Variants in CCDC91 observed in about 807,000 individuals in gnomAD.
The protein encoded by CCDC91 is coiled-coil domain containing 91.
A neutral mutation model predicts 63.2 loss-of-function variants in CCDC91; 48 were observed. The observed-to-expected ratio is 0.76, with a 90% CI of 0.60 to 0.97. The LOEUF (loss-of-function observed/expected upper bound fraction) is 0.97. Among genes scored for constraint, CCDC91 ranks in the 50% least tolerant of loss-of-function variants. The pLI is 0.00. For missense variants in CCDC91, 500 were observed against 494.6 expected, an observed-to-expected ratio of 1.01 and a Z score of -0.10; for synonymous variants, 167 against 165.8, an observed-to-expected ratio of 1.01 and a Z score of -0.06.
intron 6 of CCDC91, among the ~76,000 whole-genome samples, chr12:28,349,995 G>T (rs1943072874): frequency 6.6e-6 from 1 of 152,168 alleles, no homozygotes; most frequent in Non-Finnish European, 1.5e-5. Flanking sequence ...AGTATTTTGG[G>T]TTTTCTGCAG....
chr12:28,517,489 C>G (rs76878535), intron 12 of CCDC91, among the ~76,000 whole-genome samples: 4,413 of 151,954 alleles, frequency 0.029, 104 homozygotes, highest in Middle Eastern at 0.044. Context: ...TTTTAACTGC[C>G]CTTTAAGCTA....
At chr12:28,403,959 T>A (rs1428311054) in intron 8 of CCDC91, among the ~76,000 whole-genome samples, 1 of 152,114 alleles carries the variant, frequency 6.6e-6, no homozygotes, top group Non-Finnish European at 1.5e-5. Context: ...TTTTTACTGA[T>A]CTTTTCAAAC....
At chr12:28,378,388 A>G (rs1195007855) in intron 7 of CCDC91, among the ~76,000 whole-genome samples, 1 of 152,054 alleles carries the variant, frequency 6.6e-6, no homozygotes, top group East Asian at 1.9e-4. Context: ...GAACTCTTAA[A>G]TTGTTTGTAC....
At chr12:28,260,945 T>A (rs1174289128) in intron 3 of CCDC91, among the ~76,000 whole-genome samples, 2 of 152,034 alleles carry the variant, frequency 1.3e-5, no homozygotes, top group African/African-American at 4.8e-5. Context: ...ATTGTGTGGA[T>A]GACAAAATGG....
intron 6 of CCDC91, among the ~76,000 whole-genome samples, chr12:28,344,431 CT>C: frequency 6.6e-6 from 1 of 152,178 alleles, no homozygotes; most frequent in South Asian, 2.1e-4. Context: ...AATGGGCCTT[CT>C]TTCCATTTCT....
chr12:28,293,800 T>C (rs1949390763), intron 3 of CCDC91, among the ~76,000 whole-genome samples: 1 of 151,978 alleles, frequency 6.6e-6, no homozygotes, highest in Non-Finnish European at 1.5e-5. Flanking sequence ...GTGATCATAG[T>C]TCACTGCAGC....
intron 3 of CCDC91, among the ~76,000 whole-genome samples, chr12:28,267,688 A>T (rs551812458): frequency 1.6e-4 from 19 of 117,220 alleles, no homozygotes; most frequent in Non-Finnish European, 2.0e-4. Context: ...ATGTTATATA[A>T]ATTATTTATT....
chr12:28,391,709 A>G (rs1945959411), intron 8 of CCDC91, among the ~76,000 whole-genome samples: 1 of 152,192 alleles, frequency 6.6e-6, no homozygotes, highest in Admixed American at 6.5e-5. Flanking sequence ...TGGCGAGTAA[A>G]TGATTTTTAG....
intron 6 of CCDC91, among the ~76,000 whole-genome samples, chr12:28,309,110 A>T (rs1298339983): frequency 6.6e-6 from 1 of 152,044 alleles, no homozygotes; most frequent in Admixed American, 6.6e-5. Context: ...TCACTCACAT[A>T]TCTCTGCCTG....
At chr12:28,325,456 A>G (rs529393917) in intron 6 of CCDC91, among the ~76,000 whole-genome samples, 2 of 152,174 alleles carry the variant, frequency 1.3e-5, no homozygotes, top group African/African-American at 4.8e-5. Flanking sequence ...ATGGAGTAAC[A>G]TGTTAGTGGA....
At chr12:28,460,820 T>C (rs1316320769) in intron 11 of CCDC91, among the ~76,000 whole-genome samples, 1 of 152,006 alleles carries the variant, frequency 6.6e-6, no homozygotes, top group Non-Finnish European at 1.5e-5. Flanking sequence ...TGTATATATA[T>C]ATTTTTTAAC....
chr12:28,302,704 T>C (rs1427191789), intron 3 of CCDC91: 9 of 906,284 alleles, frequency 9.9e-6, no homozygotes, highest in Non-Finnish European at 1.2e-5. Context: ...GGTTTTTTGA[T>C]GTATTATTAA....
chr12:28,249,073 A>G (rs1427971176), intron 1 of CCDC91, among the ~76,000 whole-genome samples: 2 of 152,188 alleles, frequency 1.3e-5, no homozygotes, highest in Non-Finnish European at 2.9e-5. Context: ...TTTGTTAAGC[A>G]GGAGGCCAGG....
intron 8 of CCDC91, among the ~76,000 whole-genome samples, chr12:28,433,081 GT>G (rs1257809405): frequency 6.6e-6 from 1 of 151,662 alleles, no homozygotes; most frequent in Non-Finnish European, 1.5e-5. Context: ...TTGTTGTTGA[GT>G]TTTAAGAGTT....
intron 1 of CCDC91, among the ~76,000 whole-genome samples, chr12:28,221,017 A>G (rs1943903810): frequency 1.3e-5 from 2 of 152,094 alleles, no homozygotes; most frequent in African/African-American, 2.4e-5. Flanking sequence ...CTTTTAAAAT[A>G]ATTTCTTCTG....
At chr12:28,385,487 A>G (rs1945543766) in intron 7 of CCDC91, among the ~76,000 whole-genome samples, 2 of 152,118 alleles carry the variant, frequency 1.3e-5, no homozygotes, top group South Asian at 4.1e-4. Context: ...TCTAGTTGAG[A>G]GATTATATTT....
rs1327020560 is a variant in CCDC91, at chr12:28,259,421, C to T, written c.88C>T (p.Pro30Ser). ...GETQTTSPAI[P>S]WAAFPAVSGV... Reference sequence around the variant, plus strand: ...AACCCAAACAACATCTCCTGCTATTCCTTGGGCTGCCTTTCCTGCAGGTAT... The same window carrying T: ...AACCCAAACAACATCTCCTGCTATTTCTTGGGCTGCCTTTCCTGCAGGTAT... Residue 30 changes from proline (P) to serine (S), a missense_variant, in exon 3 of 13, where the codon CCT (proline) becomes TCT (serine). Coordinates refer to ENST00000536442, the MANE Select transcript of CCDC91 (RefSeq NM_018318.5). 2.5e-6 allele frequency: 4 copies of T among 1,607,460 alleles called. No individual in the cohort carries two copies. Among genetic ancestry groups the T allele is most frequent in the Admixed American group, 3.3e-5 (2 of 59,720 alleles).
At chr12:28,413,729 G>A (rs1181559622) in intron 8 of CCDC91, among the ~76,000 whole-genome samples, 1 of 152,220 alleles carries the variant, frequency 6.6e-6, no homozygotes, top group Non-Finnish European at 1.5e-5. Flanking sequence ...GGTGATTGCA[G>A]TTCATAAAAG....
chr12:28,238,541 A>G (rs1945119806), intron 1 of CCDC91, among the ~76,000 whole-genome samples: 1 of 152,148 alleles, frequency 6.6e-6, no homozygotes, highest in African/African-American at 2.4e-5. Flanking sequence ...AAATATATTT[A>G]TACCAGTTGA....
Sources: gnomAD v4.1 joint callset for allele counts (sites outside exome capture counted in the v4.1 genomes callset) on GRCh38, gnomAD v4.1.1 for gene constraint, MANE v1.5 for transcripts, NCBI Gene and HGNC (gene_info 2026-07-23, HGNC 2026-07-21) for gene names.